MON2: variants seen among roughly 807,000 people sequenced by gnomAD.
MON2 encodes protein MON2 homolog.
Under a neutral mutation model 208.6 loss-of-function variants are expected in MON2, and 84 were observed. The observed-to-expected ratio is 0.40, with a 90% CI of 0.34 to 0.48. The LOEUF is 0.48. Ranked by LOEUF, MON2 falls within the 20% of genes least tolerant of loss-of-function variation. MON2 has a pLI of 0.59. For synonymous variants in MON2, 660 were observed against 694.0 expected (o/e 0.95, Z 0.77); for missense variants, 1,611 against 2,015.4 (o/e 0.80, Z 3.84).
rs2073042350 is a variant in MON2, at chr12:62,537,694, G to A, written c.2106G>A (p.Leu702=). ...AVLGTSWQLV[L]ATLQHLVWIL... is the part of the protein sequence containing the mutation. ...TTGGAACATCATGGCAACTTGTCTT[G>A]GCAACTCTTCAGGTATGTAAAAGTG... Residue 702 remains leucine, a synonymous_variant, in exon 16 of 35, where the codon TTG becomes TTA. Transcript: ENST00000393630. 1 of 1,611,632 alleles carries A rather than the reference G, an allele frequency of 6.2e-7. No homozygotes were observed. The highest frequency in any genetic ancestry group is 8.5e-7 in the Non-Finnish European group (1 of 1,178,934).
intron 1 of MON2, among the ~76,000 whole-genome samples, chr12:62,483,485 G>T (rs142663507): frequency 0.032 from 4,920 of 152,306 alleles, 286 homozygotes; most frequent in African/African-American, 0.11. Flanking sequence ...TGGATCACTT[G>T]AGGTCAGGAG....
intron 34 of MON2, among the ~76,000 whole-genome samples, chr12:62,592,238 T>C (rs1351109593): frequency 6.6e-6 from 1 of 152,222 alleles, no homozygotes; most frequent in Non-Finnish European, 1.5e-5. Context: ...ATTCTTGAAA[T>C]GTACACTACA....
intron 22 of MON2, among the ~76,000 whole-genome samples, 193 bp from the exon 23 acceptor site, chr12:62,549,475 G>T (rs1043034350): frequency 2.0e-5 from 3 of 150,360 alleles, no homozygotes; most frequent in Admixed American, 2.0e-4. Context: ...AAAAAAAAAG[G>T]GCATGGGGGT....
In MON2 at chr12:62,592,766, T is replaced by C; in HGVS notation, c.*17T>C. The C allele has an allele frequency of 6.4e-7, 1 of 1,555,656 alleles. No homozygotes were observed. Among genetic ancestry groups the C allele is most frequent in the Non-Finnish European group, 8.8e-7 (1 of 1,138,114 alleles). On this transcript the variant is annotated 3_prime_UTR_variant, in exon 35 of 35. Coordinates refer to ENST00000393630, the MANE Select transcript of MON2 (RefSeq NM_015026.3). ...GAATCTTGACCGGCTACAATATATT[T>C]GAAAGCAGGAAGATAGTCTAAAAAA... is the stretch of plus-strand genomic sequence containing the variant.
intron 25 of MON2, 193 bp from the exon 26 acceptor site, chr12:62,560,298 A>T (rs186264182): frequency 1.1e-5 from 6 of 525,468 alleles, no homozygotes; most frequent in South Asian, 9.2e-5. Flanking sequence ...TATCTGAAAA[A>T]TTTTTTTACT....
intron 1 of MON2, among the ~76,000 whole-genome samples, chr12:62,469,062 C>T (rs1441549292): frequency 6.6e-6 from 1 of 151,796 alleles, no homozygotes; most frequent in African/African-American, 2.4e-5. Context: ...ACCTCAGCCC[C>T]CTGAGTTGCA....
chr12:62,481,401 C>T (rs1391077053), intron 1 of MON2, among the ~76,000 whole-genome samples: 1 of 151,490 alleles, frequency 6.6e-6, no homozygotes, highest in Admixed American at 6.6e-5. Flanking sequence ...TGGCGGGTGC[C>T]TGTAGTCCCA....
rs1212276002 is a variant in MON2, at chr12:62,585,499, A to G, written c.4905A>G (p.Pro1635=). The change falls in exon 33 of 35, where the codon CCA becomes CCG. Residue 1635 remains proline, a splice_region_variant and synonymous_variant. Coordinates refer to ENST00000393630, the MANE Select transcript of MON2 (RefSeq NM_015026.3). The part of the protein sequence containing the change: ...DERLSGKCPL[P]RQQVTEIIFV... ...GATTAAGTGGTAAATGCCCTCTTCCAAGGTATATATTTCATTTTATTAAAG... is the reference window on the plus strand; with the variant it reads ...GATTAAGTGGTAAATGCCCTCTTCCGAGGTATATATTTCATTTTATTAAAG... 1.9e-6 allele frequency: 3 copies of G among 1,585,688 alleles called. No homozygotes were observed. The highest frequency in any genetic ancestry group is 3.4e-5 in the Admixed American group (2 of 58,608).
chr12:62,533,023 G>GTGA (rs2072730583), intron 12 of MON2, among the ~76,000 whole-genome samples: 1 of 152,128 alleles, frequency 6.6e-6, no homozygotes, highest in African/African-American at 2.4e-5. Flanking sequence ...AGTTGCCCTA[G>GTGA]TGATGTCCTT....
At position 62,566,030 on chromosome 12, in the gene MON2, C is replaced by T. The variant is rs892385802; in HGVS notation, c.4193C>T (p.Pro1398Leu). ...TCACAATAGATCCAACTATTTGCAC[C>T]GGTGAGTTAAATTTCCTAAAATTGT... ...AKYNQIQLFAPAEWVALNYVP... is the reference protein window; with the variant it reads ...AKYNQIQLFALAEWVALNYVP... Residue 1398 changes from proline (P) to leucine (L), a missense_variant and splice_region_variant, in exon 28 of 35, where the codon CCG (proline) becomes CTG (leucine). By Grantham distance (98) the Pro-to-Leu change is moderately conservative. Coordinates refer to ENST00000393630, the MANE Select transcript of MON2 (RefSeq NM_015026.3). The T allele has an allele frequency of 4.0e-5, 65 of 1,610,460 alleles. No individual in the cohort carries two copies. Among genetic ancestry groups the T allele is most frequent in the Non-Finnish European group, 5.0e-5 (59 of 1,178,078 alleles).
chr12:62,498,004 C>G lies in MON2; in HGVS notation c.436-915C>G, dbSNP rs75015322. On this transcript the variant is annotated intron_variant, in intron 4 of 34. Transcript: ENST00000393630. ...GATATTTACCCAAGATAAATGAAAA[C>G]ATATGTCCTCACAGTGACTTATATA... 4.3e-3 allele frequency among the ~76,000 whole-genome samples: 649 copies of G among 151,774 alleles called. 2 individuals are homozygous for G. Among genetic ancestry groups the G allele is most frequent in the Non-Finnish European group, 7.5e-3 (509 of 67,958 alleles).
Position 62,480,339 on chromosome 12 carries a change from G to A in MON2, c.112-3831G>A, listed in dbSNP as rs191704989. 3.9e-4 allele frequency among the ~76,000 whole-genome samples: 59 copies of A among 152,164 alleles called. 1 individual carries two copies. Among genetic ancestry groups the A allele is most frequent in the Admixed American group, 2.5e-3 (38 of 15,266 alleles). On this transcript the variant is annotated intron_variant, in intron 1 of 34. Transcript: ENST00000393630. ...TTTGGGAAGCTGAGACAGGGGAATC[G>A]CTTGAGTCCAGGAGTTTGAGACCAG...
chr12:62,554,856 G>A (rs1050005652), intron 24 of MON2, among the ~76,000 whole-genome samples: 3 of 151,802 alleles, frequency 2.0e-5, no homozygotes, highest in East Asian at 1.9e-4. Context: ...TTGTTTTGTC[G>A]TGATCTCTGC....
intron 2 of MON2, among the ~76,000 whole-genome samples, chr12:62,485,784 A>G (rs1592838639): frequency 6.6e-6 from 1 of 151,684 alleles, no homozygotes; most frequent in Admixed American, 6.6e-5. Context: ...GCTTACTGCA[A>G]CCTCTGCCTC....
Position 62,495,260 on chromosome 12 carries a change from A to G in MON2, c.435+113A>G, listed in dbSNP as rs140917778. ...AACCAAAAGCAACTTCCCTACAGCT[A>G]TGGTGATGATTGACATTGCATGTTA... On this transcript the variant is annotated intron_variant, in intron 4 of 34. Transcript: ENST00000393630. The G allele has an allele frequency of 9.3e-6, 8 of 860,518 alleles. No homozygotes were observed. In the East Asian group the frequency reaches 2.1e-4, roughly 23 times the overall value. The allele number at this position is 860,518 out of a possible 1,614,324, so 53.3% of individuals were successfully genotyped here. A position where few individuals can be genotyped will look rare whatever the true frequency, so the allele number is the denominator to read the frequency against.
rs1453605201 is a variant in MON2 at position 62,515,811 on chromosome 12, G to A, written c.984+7331G>A. On this transcript the variant is annotated intron_variant, in intron 8 of 34. Transcript: ENST00000393630. ...GCCTGGGTGACAAGAGCAAGACTCC[G>A]TCTCAGGAAAAAAAAAAAAGTTCTA... Among the ~76,000 whole-genome samples the A allele has an allele frequency of 8.6e-5, 13 of 150,980 alleles. No individual in the cohort carries two copies. In the East Asian group the frequency reaches 1.4e-3, roughly 16 times the overall value.
chr12:62,494,024 A>T lies in MON2; in HGVS notation c.285A>T (p.Ser95=). ...TGGCTGCTATTCAGAGACTCATGTC[A>T]CATGAAGTCGTGTCTGAGGTAATAT... ...LCLAAIQRLM[S]HEVVSETAAG... The change falls in exon 3 of 35, where the codon TCA becomes TCT. Residue 95 remains serine, a synonymous_variant. Coordinates refer to ENST00000393630, the MANE Select transcript of MON2 (RefSeq NM_015026.3). 1.2e-6 allele frequency: 2 copies of T among 1,612,994 alleles called. No individual in the cohort carries two copies. The highest frequency in any genetic ancestry group is 1.7e-6 in the Non-Finnish European group (2 of 1,179,252).
intron 26 of MON2, chr12:62,565,024 A>G: frequency 4.5e-6 from 2 of 447,100 alleles, no homozygotes; most frequent in Non-Finnish European, 7.8e-6. Context: ...CACACTGTAA[A>G]AAAGAACATT....
chr12:62,556,125 G>A lies in MON2; in HGVS notation c.3342G>A (p.Thr1114=), dbSNP rs375812777. 2.5e-5 allele frequency: 41 copies of A among 1,613,908 alleles called. No homozygotes were observed. The highest frequency in any genetic ancestry group is 1.6e-4 in the Middle Eastern group (1 of 6,084). The change falls in exon 25 of 35, where the codon ACG becomes ACA. Residue 1114 remains threonine (T), a synonymous_variant. Transcript: ENST00000393630. ...CCGCCGAGAAGCAATGGGCTGAGAC[G>A]TGGGTATTAACATTGGCTGGAGTAG... ...RDTAEKQWAE[T]WVLTLAGVAR...
Sources: gnomAD v4.1 joint callset for allele counts (sites outside exome capture counted in the v4.1 genomes callset) on GRCh38, gnomAD v4.1.1 for gene constraint, MANE v1.5 for transcripts, NCBI Gene and HGNC (gene_info 2026-07-23, HGNC 2026-07-21) for gene names.